Variants in PRKCE observed in about 807,000 individuals in gnomAD.
PRKCE encodes the protein protein kinase C epsilon type.
A neutral mutation model predicts 85.4 loss-of-function variants in PRKCE; 16 were observed. That is an observed-to-expected ratio of 0.19 (90% confidence interval 0.13 to 0.28). The LOEUF is 0.28. Among genes scored for constraint, PRKCE ranks in the 10% least tolerant of loss-of-function variants. The probability of loss-of-function intolerance (pLI) is 1.00; values close to 1 mark genes in which losing one functional copy is unlikely to be tolerated. For missense variants in PRKCE, 573 were observed against 975.2 expected (o/e 0.59, Z 5.49); for synonymous variants, 388 against 371.5 (o/e 1.04, Z -0.51).
chr2:45,736,762 T>A (rs535620173), intron 1 of PRKCE, among the ~76,000 whole-genome samples: 2 of 152,190 alleles, frequency 1.3e-5, no homozygotes, highest in Non-Finnish European at 2.9e-5. Flanking sequence ...CTCCAGTAGA[T>A]GTGAAGGACA....
intron 1 of PRKCE, among the ~76,000 whole-genome samples, chr2:45,772,422 T>C (rs1445651297): frequency 6.6e-6 from 1 of 152,190 alleles, no homozygotes; most frequent in Non-Finnish European, 1.5e-5. Context: ...GACAGTCTCC[T>C]ATCTCCAAGG....
intron 11 of PRKCE, among the ~76,000 whole-genome samples, chr2:46,102,342 C>A (rs887915403): frequency 6.6e-6 from 1 of 152,100 alleles, no homozygotes; most frequent in African/African-American, 2.4e-5. Context: ...AGGATAATGT[C>A]AAAGTTCAAT....
chr2:46,112,741 A>G (rs1672393586), intron 11 of PRKCE, among the ~76,000 whole-genome samples: 1 of 152,014 alleles, frequency 6.6e-6, no homozygotes, highest in African/African-American at 2.4e-5. Flanking sequence ...GCTAGTCTCA[A>G]ACTCCTGACC....
At chr2:46,075,574 C>G (rs949721176) in intron 10 of PRKCE, among the ~76,000 whole-genome samples, 3 of 151,928 alleles carry the variant, frequency 2.0e-5, no homozygotes, top group Non-Finnish European at 4.4e-5. Flanking sequence ...TAACAAAACC[C>G]TCTCTCTACA....
intron 13 of PRKCE, among the ~76,000 whole-genome samples, chr2:46,154,075 A>G (rs776642654): frequency 1.3e-5 from 2 of 151,936 alleles, no homozygotes; most frequent in South Asian, 2.1e-4. Flanking sequence ...GTGAGCCTCC[A>G]CGCCCGGCCT....
intron 1 of PRKCE, among the ~76,000 whole-genome samples, chr2:45,720,634 A>C (rs1355556625): frequency 6.6e-6 from 1 of 152,108 alleles, no homozygotes; most frequent in Non-Finnish European, 1.5e-5. Flanking sequence ...CTCTGGTGAG[A>C]CCCAAACTTG....
Position 46,104,233 on chromosome 2 carries a change from A to T in PRKCE, c.1592+17871A>T, listed in dbSNP as rs143117817. ...AAGTAACCTTCTGATAATTCTTCTG[A>T]TGTGATGTCTATTAGCTCTTGAATT... On this transcript the variant is annotated intron_variant, in intron 11 of 14. Coordinates refer to ENST00000306156, the MANE Select transcript of PRKCE (RefSeq NM_005400.3). Among the ~76,000 whole-genome samples, 965 of 149,214 alleles carry T rather than the reference A, an allele frequency of 6.5e-3. 18 individuals are homozygous for T. The highest frequency in any genetic ancestry group is 0.022 in the African/African-American group (894 of 40,490).
intron 2 of PRKCE, among the ~76,000 whole-genome samples, chr2:45,921,968 T>C (rs1698281332): frequency 1.3e-5 from 2 of 152,158 alleles, no homozygotes; most frequent in African/African-American, 4.8e-5. Context: ...TGTTCCCTCA[T>C]ATAGGGAAAA....
At chr2:45,820,738 A>G (rs1339167216) in intron 1 of PRKCE, among the ~76,000 whole-genome samples, 2 of 152,152 alleles carry the variant, frequency 1.3e-5, no homozygotes, top group African/African-American at 4.8e-5. Flanking sequence ...GTTCTCGATC[A>G]TTCCCAACTT....
rs1694722774 is a variant in PRKCE at position 45,879,489 on chromosome 2, A to G, written c.412+36426A>G. ...AAAAAGGCAGAGGGTCCACTGAGCT[A>G]TTAAACACTTAAGCTGTCCCCAGAT... On this transcript the variant is annotated intron_variant, in intron 2 of 14. Transcript: ENST00000306156. 2.6e-5 allele frequency among the ~76,000 whole-genome samples: 4 copies of G among 152,236 alleles called. No homozygotes were observed. In the South Asian group the frequency reaches 8.3e-4, roughly 31 times the overall value.
At position 45,786,634 on chromosome 2, in the gene PRKCE, TG is replaced by T. The variant is rs1463895493; in HGVS notation, c.349-56365del. Among the ~76,000 whole-genome samples, 1 of 152,106 alleles carries T rather than the reference TG, an allele frequency of 6.6e-6. No individual in the cohort carries two copies. Among genetic ancestry groups the T allele is most frequent in the African/African-American group, 2.4e-5 (1 of 41,418 alleles). On this transcript the variant is annotated intron_variant, in intron 1 of 14. Transcript: ENST00000306156. This position sits in a 1 kb window ranked among gnomAD's most constrained non-coding sequence, Gnocchi z 5.3. ...AACTGGGAAGACAGAGTATTTTGTATGAGATTCAGGGGTGGGAGTGAGGGGG... is the reference window on the plus strand; with the variant it reads ...AACTGGGAAGACAGAGTATTTTGTATAGATTCAGGGGTGGGAGTGAGGGGG...
At chr2:45,916,759 G>A (rs1390251517) in intron 2 of PRKCE, among the ~76,000 whole-genome samples, 1 of 152,242 alleles carries the variant, frequency 6.6e-6, no homozygotes, top group African/African-American at 2.4e-5. Context: ...TACTGTGTCC[G>A]GAATTGGTGG....
intron 2 of PRKCE, among the ~76,000 whole-genome samples, chr2:45,860,372 T>C (rs1693053474): frequency 6.6e-6 from 1 of 152,148 alleles, no homozygotes; most frequent in Admixed American, 6.5e-5. Context: ...TCAGAGAGGA[T>C]GGGTGGAGTC....
At chr2:46,057,603 T>G (rs1301390109) in intron 10 of PRKCE, among the ~76,000 whole-genome samples, 2 of 152,066 alleles carry the variant, frequency 1.3e-5, no homozygotes, top group Non-Finnish European at 2.9e-5. Context: ...CCGGCTGATT[T>G]TTGTATTTTT....
chr2:45,885,002 T>TTTG lies in PRKCE; in HGVS notation c.412+41957_412+41959dup, dbSNP rs61430995. ...ATATATATATATATATATATATATA[T>TTTG]TTGTTGTTGTTGTTGTTGTTTTACC... On this transcript the variant is annotated intron_variant, in intron 2 of 14. Transcript: ENST00000306156. 3.6e-3 allele frequency among the ~76,000 whole-genome samples: 355 copies of TTTG among 97,566 alleles called. 13 individuals are homozygous for TTTG. The highest frequency in any genetic ancestry group is 0.027 in the South Asian group (79 of 2,920). The allele number at this position is 97,566 out of a possible 152,430, so 64.0% of individuals were successfully genotyped here. A position where few individuals can be genotyped will look rare whatever the true frequency, so the allele number is the denominator to read the frequency against.
chr2:45,833,620 A>G (rs953359879), intron 1 of PRKCE, among the ~76,000 whole-genome samples: 3 of 152,254 alleles, frequency 2.0e-5, no homozygotes, highest in Non-Finnish European at 4.4e-5. Context: ...TTAAACAGGC[A>G]GAACTGGGAT....
intron 2 of PRKCE, among the ~76,000 whole-genome samples, chr2:45,950,855 C>G (rs1700571575): frequency 6.6e-6 from 1 of 152,164 alleles, no homozygotes; most frequent in African/African-American, 2.4e-5. Flanking sequence ...AGAGGACCAA[C>G]TTTCCTAGAG....
intron 10 of PRKCE, among the ~76,000 whole-genome samples, chr2:46,020,717 C>T (rs1444539167): frequency 6.6e-6 from 1 of 152,120 alleles, no homozygotes; most frequent in Non-Finnish European, 1.5e-5. Flanking sequence ...CTTCATTGAT[C>T]AGGAGAATTT....
intron 1 of PRKCE, among the ~76,000 whole-genome samples, chr2:45,842,019 C>T (rs1431745609): frequency 1.3e-5 from 2 of 152,092 alleles, no homozygotes; most frequent in South Asian, 2.1e-4. Flanking sequence ...ATTGTGGAGG[C>T]GGAGAGGCTA....
Sources: gnomAD v4.1 joint callset for allele counts (sites outside exome capture counted in the v4.1 genomes callset) on GRCh38, gnomAD v4.1.1 for gene constraint, Gnocchi (gnomAD v3.1) non-coding constraint, MANE v1.5 for transcripts, NCBI Gene and HGNC (gene_info 2026-07-23, HGNC 2026-07-21) for gene names.